SLC25A25: variants seen among roughly 807,000 people sequenced by gnomAD.
The protein encoded by SLC25A25 is solute carrier family 25 member 25.
Under a neutral mutation model 57.7 loss-of-function variants are expected in SLC25A25, and 32 were observed. That is an observed-to-expected ratio of 0.55 (90% CI 0.42 to 0.74). The LOEUF is 0.74. Among genes scored for constraint, SLC25A25 ranks in the 30% least tolerant of loss-of-function variants. The pLI is 0.00. For synonymous variants in SLC25A25, 306 were observed against 291.2 expected (o/e 1.05, Z -0.52); for missense variants, 556 against 701.3 (o/e 0.79, Z 2.34).
Position 128,099,957 on chromosome 9 carries a change from T to G in SLC25A25, c.262-1139T>G, listed in dbSNP as rs1163383278. Among the ~76,000 whole-genome samples the G allele has an allele frequency of 1.3e-5, 2 of 152,128 alleles. No homozygotes were observed. Among genetic ancestry groups the G allele is most frequent in the African/African-American group, 4.8e-5 (2 of 41,408 alleles). The stretch of plus-strand genomic sequence containing the variant: ...TCGGTCCCAGTTTTGGGTTCCGGAT[T>G]CAGGGCGTTGCTGAGTTGGGGTGAC... On this transcript the variant is annotated intron_variant, in intron 1 of 10. Transcript: ENST00000373069. This position sits in a 1 kb window ranked among gnomAD's most constrained non-coding sequence, Gnocchi z 6.8.
intron 1 of SLC25A25, among the ~76,000 whole-genome samples, chr9:128,090,584 A>G (rs11790358): frequency 0.74 from 112,863 of 151,730 alleles, 43,746 homozygotes; most frequent in Non-Finnish European, 0.85. Context: ...GCCAAGGTGG[A>G]TGGATCACTT....
At position 128,107,239 on chromosome 9, in the gene SLC25A25, C is replaced by T. The variant is rs764748173; in HGVS notation, c.1364-21C>T. The T allele has an allele frequency of 8.1e-6, 13 of 1,609,992 alleles. No homozygotes were observed. In the East Asian group the frequency reaches 2.9e-4, roughly 36 times the overall value. ...GGGGGGAGCGGACAGAAGCATCTGA[C>T]TGGTGGCCTCCATCCTGCAGCCTCT... On this transcript the variant is annotated intron_variant, in intron 10 of 10. Coordinates refer to ENST00000373069, the MANE Select transcript of SLC25A25 (RefSeq NM_001330988.2).
At chr9:128,082,429 C>T (rs1158693235) in intron 1 of SLC25A25, among the ~76,000 whole-genome samples, 8 of 152,104 alleles carry the variant, frequency 5.3e-5, no homozygotes, top group Non-Finnish European at 1.0e-4. Flanking sequence ...AGCCGCCCAG[C>T]GCAGGCAGCA....
rs1369321368 is a variant in SLC25A25, at chr9:128,101,624, C to G, written c.476+228C>G. On this transcript the variant is annotated intron_variant, in intron 3 of 10. Coordinates refer to ENST00000373069, the MANE Select transcript of SLC25A25 (RefSeq NM_001330988.2). The surrounding 1 kb of genome is among the most constrained non-coding windows in gnomAD (Gnocchi z 4.9). ...GGAATTTTGCCCATCGGCCAGTGGC[C>G]CATGAAGGGAAAACTAATTTGGGGG... Among the ~76,000 whole-genome samples, 1 of 151,140 alleles carries G rather than the reference C, an allele frequency of 6.6e-6. No individual in the cohort carries two copies. The highest frequency in any genetic ancestry group is 2.4e-5 in the African/African-American group (1 of 41,006).
At chr9:128,093,639 G>T (rs1200664288) in intron 1 of SLC25A25, among the ~76,000 whole-genome samples, 2 of 152,234 alleles carry the variant, frequency 1.3e-5, no homozygotes, top group Non-Finnish European at 2.9e-5. Flanking sequence ...TGGGGCAGCT[G>T]GTTGGGCTTG....
At position 128,104,098 on chromosome 9, in the gene SLC25A25, T is replaced by G. The variant is rs762457445; in HGVS notation, c.783+259T>G. 3.9e-5 allele frequency among the ~76,000 whole-genome samples: 6 copies of G among 152,242 alleles called. No homozygotes were observed. In the South Asian group the frequency reaches 6.2e-4, roughly 16 times the overall value. ...TGTGGACAGGTGAAGCTAGCGAGAC[T>G]GGGGTGAGGCAGGAACCAATTTCTG... On this transcript the variant is annotated intron_variant, in intron 6 of 10. Transcript: ENST00000373069.
Position 128,108,298 on chromosome 9 carries a change from G to T in SLC25A25, c.*854G>T, listed in dbSNP as rs1052549933. On this transcript the variant is annotated 3_prime_UTR_variant, in exon 11 of 11. Transcript: ENST00000373069. Reference sequence around the variant, plus strand: ...TCTGGGGAGGGAAGGAAAAGGTGTTGGAGGCCTTAATTATGGACTGTTGGG... The same window carrying T: ...TCTGGGGAGGGAAGGAAAAGGTGTTTGAGGCCTTAATTATGGACTGTTGGG... The T allele has an allele frequency of 2.5e-6, 1 of 399,116 alleles. No homozygotes were observed. Among genetic ancestry groups the T allele is most frequent in the Admixed American group, 4.4e-5 (1 of 22,740 alleles). The allele number at this position is 399,116 out of a possible 1,614,324, so 24.7% of individuals were successfully genotyped here. A position where few individuals can be genotyped will look rare whatever the true frequency, so the allele number is the denominator to read the frequency against.
intron 1 of SLC25A25, chr9:128,092,129 G>A (rs753293968): frequency 2.5e-6 from 4 of 1,578,730 alleles, no homozygotes; most frequent in Non-Finnish European, 3.4e-6. Context: ...TTTAGGGCCT[G>A]GTCTGGGATC....
chr9:128,092,945 G>C (rs1052505235), intron 1 of SLC25A25, among the ~76,000 whole-genome samples: 1 of 152,178 alleles, frequency 6.6e-6, no homozygotes, highest in Admixed American at 6.5e-5. Flanking sequence ...ACTTGGCTCA[G>C]ATTTCTCCTC....
In SLC25A25 at chr9:128,106,492, A is replaced by T; in HGVS notation, c.1184A>T (p.Tyr395Phe). 1 of 1,610,758 alleles carries T rather than the reference A, an allele frequency of 6.2e-7. No individual in the cohort carries two copies. Among genetic ancestry groups the T allele is most frequent in the Non-Finnish European group, 8.5e-7 (1 of 1,179,530 alleles). Reference protein sequence around the residue: ...YVPNMLGIIPYAGIDLAVYET... With the variant: ...YVPNMLGIIPFAGIDLAVYET... ...CCCAACATGCTGGGCATCATCCCCT[A>T]TGCCGGCATCGACCTTGCAGTCTAC... Residue 395 changes from tyrosine (Y) to phenylalanine (F), a missense_variant, in exon 9 of 11, where the codon TAT becomes TTT. By Grantham distance (22) the Tyr-to-Phe change is conservative (BLOSUM62 3). Around this residue, in one of 3 missense-constraint regions of SLC25A25, gnomAD observed 294 missense variants for 389.6 expected, o/e 0.75. Transcript: ENST00000373069.
chr9:128,106,412 C>G lies in SLC25A25; in HGVS notation c.1104C>G (p.Cys368Trp). 6.2e-7 allele frequency: 1 copy of G among 1,613,706 alleles called. No homozygotes were observed. The highest frequency in any genetic ancestry group is 8.5e-7 in the Non-Finnish European group (1 of 1,179,924). Residue 368 changes from cysteine (C) to tryptophan (W), a missense_variant, in exon 9 of 11, where the codon TGC becomes TGG. Cys to Trp is a radical substitution (Grantham distance 215, BLOSUM62 -2). This residue lies in a region of SLC25A25 where 294 missense variants were observed against 389.6 expected (regional missense o/e 0.75). Coordinates refer to ENST00000373069, the MANE Select transcript of SLC25A25 (RefSeq NM_001330988.2). ...KTGQYSGMLD[C>W]ARRILAREGV... is the part of the protein sequence containing the mutation. ...GCCAGTACTCAGGAATGCTGGACTG[C>G]GCCAGGAGGATCCTGGCCAGAGAGG...
chr9:128,098,368 G>A, intron 1 of SLC25A25: 2 of 1,037,180 alleles, frequency 1.9e-6, no homozygotes, highest in Non-Finnish European at 2.6e-6. Flanking sequence ...TTCTCCCCCG[G>A]GCTCTGTGTT....
intron 1 of SLC25A25, among the ~76,000 whole-genome samples, chr9:128,078,542 CT>C (rs2130787978): frequency 6.6e-6 from 1 of 151,576 alleles, no homozygotes; most frequent in Non-Finnish European, 1.5e-5. Flanking sequence ...CTCACTCACT[CT>C]ATCTACACAA....
At position 128,105,895 on chromosome 9, in the gene SLC25A25, T is replaced by G; in HGVS notation, c.936+14T>G. 1 of 1,611,560 alleles carries G rather than the reference T, an allele frequency of 6.2e-7. No homozygotes were observed. Among genetic ancestry groups the G allele is most frequent in the South Asian group, 1.1e-5 (1 of 90,934 alleles). Reference sequence around the variant, plus strand: ...GCCTATGAGCAGGTGAGGACCCAGCTCCTCAGGAGGGTCACCGGCCAGTGG... The same window carrying G: ...GCCTATGAGCAGGTGAGGACCCAGCGCCTCAGGAGGGTCACCGGCCAGTGG... On this transcript the variant is annotated intron_variant, in intron 7 of 10. Coordinates refer to ENST00000373069, the MANE Select transcript of SLC25A25 (RefSeq NM_001330988.2).
At chr9:128,091,517 G>A in intron 1 of SLC25A25, 1 of 992,004 alleles carries the variant, frequency 1.0e-6, no homozygotes, top group Non-Finnish European at 1.2e-6. Flanking sequence ...CTCCGGGAGT[G>A]GTCTGCTTGG....
intron 1 of SLC25A25, among the ~76,000 whole-genome samples, chr9:128,096,370 G>T (rs1157253868): frequency 1.3e-5 from 2 of 152,158 alleles, no homozygotes; most frequent in African/African-American, 4.8e-5. Context: ...TCAGCCAGGC[G>T]TGGTGGTGGG....
At chr9:128,077,336 A>G (rs1317542066) in intron 1 of SLC25A25, among the ~76,000 whole-genome samples, 1 of 151,382 alleles carries the variant, frequency 6.6e-6, no homozygotes, top group African/African-American at 2.4e-5. Context: ...TACCACGGTG[A>G]AACCCCGTCT....
At chr9:128,089,931 G>A (rs574049153) in intron 1 of SLC25A25, among the ~76,000 whole-genome samples, 65 of 152,088 alleles carry the variant, frequency 4.3e-4, no homozygotes, top group African/African-American at 1.4e-3. Context: ...CACTGCGCTC[G>A]GCCTTCTTTT....
chr9:128,089,432 C>T (rs954360702), intron 1 of SLC25A25, among the ~76,000 whole-genome samples: 3 of 152,090 alleles, frequency 2.0e-5, no homozygotes, highest in Admixed American at 6.6e-5. Flanking sequence ...AGTATCTTAG[C>T]CAAGATTACA....
Sources: allele counts gnomAD v4.1 joint callset (sites outside exome capture counted in the v4.1 genomes callset), GRCh38; gene constraint gnomAD v4.1.1; regional missense constraint gnomAD v4.1.1; non-coding constraint Gnocchi (gnomAD v3.1); transcripts MANE v1.5; gene names NCBI Gene and HGNC (gene_info 2026-07-23, HGNC 2026-07-21).